Variants in SLC25A21 observed in about 807,000 individuals in gnomAD.
SLC25A21 encodes the protein mitochondrial 2-oxodicarboxylate carrier.
SLC25A21 carries 47 observed loss-of-function variants against 43.8 expected under a neutral mutation model. The ratio of observed to expected loss-of-function variants is 1.07; its 90% CI spans 0.85 to 1.37. The LOEUF is 1.37. Ranked by LOEUF, SLC25A21 falls within the 40% of genes most tolerant of loss-of-function variation. The probability of loss-of-function intolerance (pLI) is 0.00; values close to 1 mark genes in which losing one functional copy is unlikely to be tolerated. For missense variants in SLC25A21, 352 were observed against 350.2 expected (o/e 1.00, Z -0.04); for synonymous variants, 131 against 121.3 (o/e 1.08, Z -0.52).
At chr14:37,117,868 GTTTTT>G (rs67564941) in intron 1 of SLC25A21, among the ~76,000 whole-genome samples, 1 of 151,106 alleles carries the variant, frequency 6.6e-6, no homozygotes, top group Non-Finnish European at 1.5e-5. Flanking sequence ...TTTTTTGTTT[GTTTTT>G]TTTTTTTGTC....
intron 1 of SLC25A21, among the ~76,000 whole-genome samples, chr14:36,944,628 C>A (rs1214410100): frequency 3.3e-5 from 5 of 152,164 alleles, no homozygotes; most frequent in African/African-American, 9.7e-5. Flanking sequence ...TACGAATGTC[C>A]TATTCAATAC....
intron 2 of SLC25A21, among the ~76,000 whole-genome samples, chr14:36,867,347 T>G (rs1890240941): frequency 6.6e-6 from 1 of 152,190 alleles, no homozygotes; most frequent in African/African-American, 2.4e-5. Context: ...ATTATTCACT[T>G]TATAGACATT....
intron 3 of SLC25A21, among the ~76,000 whole-genome samples, chr14:36,808,478 C>T (rs1255729776): frequency 6.6e-6 from 1 of 152,140 alleles, no homozygotes. Context: ...CTTTAAGTCG[C>T]TGTGTGATTT....
intron 1 of SLC25A21, among the ~76,000 whole-genome samples, chr14:37,097,552 T>A (rs989001426): frequency 6.6e-6 from 1 of 152,140 alleles, no homozygotes; most frequent in Non-Finnish European, 1.5e-5. Context: ...GGGCAAGGCC[T>A]ACAATGTTTG....
intron 1 of SLC25A21, among the ~76,000 whole-genome samples, chr14:37,128,264 T>A (rs914024325): frequency 1.3e-5 from 2 of 152,208 alleles, no homozygotes; most frequent in Admixed American, 6.5e-5. Context: ...TCTCCCTTAG[T>A]GCCTCCAGAA....
At chr14:36,908,550 T>C (rs545995991) in intron 1 of SLC25A21, among the ~76,000 whole-genome samples, 2 of 152,364 alleles carry the variant, frequency 1.3e-5, no homozygotes, top group South Asian at 4.1e-4. Context: ...AATGGAAATC[T>C]TTTATGATTT....
In SLC25A21 at chr14:37,007,600, A is replaced by AAATAATAATAATAATAAT. The variant is rs140657266; in HGVS notation, c.71-132614_71-132597dup. Among the ~76,000 whole-genome samples, 790 of 148,096 alleles carry AAATAATAATAATAATAAT rather than the reference A, an allele frequency of 5.3e-3. 7 individuals are homozygous for AAATAATAATAATAATAAT. The highest frequency in any genetic ancestry group is 0.017 in the African/African-American group (675 of 39,750). ...CCTGACAGACAAGACTCCCTCTCAA[A>AAATAATAATAATAATAAT]AATAATAATAATAATAATAATAAAG... On this transcript the variant is annotated intron_variant, in intron 1 of 9. Coordinates refer to ENST00000331299, the MANE Select transcript of SLC25A21 (RefSeq NM_030631.4).
intron 6 of SLC25A21, among the ~76,000 whole-genome samples, chr14:36,714,786 G>A (rs1884053032): frequency 6.6e-6 from 1 of 152,162 alleles, no homozygotes; most frequent in South Asian, 2.1e-4. Context: ...GGCAGATAAG[G>A]AAACTAAGAG....
At chr14:36,860,440 T>C (rs563436597) in intron 2 of SLC25A21, among the ~76,000 whole-genome samples, 4 of 152,284 alleles carry the variant, frequency 2.6e-5, no homozygotes, top group East Asian at 3.9e-4. Context: ...AGCAGCTCCA[T>C]TGACTTGCAC....
At chr14:36,909,251 G>C (rs775176748) in intron 1 of SLC25A21, among the ~76,000 whole-genome samples, 1 of 152,146 alleles carries the variant, frequency 6.6e-6, no homozygotes, top group Non-Finnish European at 1.5e-5. Context: ...GGGATGATAC[G>C]CAGTTAGAAG....
intron 1 of SLC25A21, among the ~76,000 whole-genome samples, chr14:37,030,545 A>G (rs899633083): frequency 6.6e-6 from 1 of 152,172 alleles, no homozygotes; most frequent in Non-Finnish European, 1.5e-5. Flanking sequence ...CCATGTACAT[A>G]CTTTCCATTT....
At chr14:36,761,904 T>C (rs1749929) in intron 3 of SLC25A21, among the ~76,000 whole-genome samples, 24,288 of 152,226 alleles carry the variant, frequency 0.16, 2,213 homozygotes, top group Middle Eastern at 0.25. Context: ...TTGTTCTTTT[T>C]CCTTCCTGCT....
intron 2 of SLC25A21, among the ~76,000 whole-genome samples, chr14:36,817,861 A>T (rs894621838): frequency 2.6e-5 from 4 of 152,208 alleles, no homozygotes; most frequent in African/African-American, 9.7e-5. Flanking sequence ...GCAAACGTGT[A>T]TACAGAGTAT....
chr14:36,903,878 A>T (rs1891463963), intron 1 of SLC25A21, among the ~76,000 whole-genome samples: 2 of 152,254 alleles, frequency 1.3e-5, no homozygotes, highest in African/African-American at 4.8e-5. Flanking sequence ...GCTGATTCTA[A>T]ATCGAACTAA....
chr14:36,820,770 A>G (rs148688057), intron 2 of SLC25A21, among the ~76,000 whole-genome samples: 1 of 152,172 alleles, frequency 6.6e-6, no homozygotes, highest in Non-Finnish European at 1.5e-5. Context: ...AAAAAGTTGT[A>G]TACTGATAAT....
At chr14:37,102,537 T>A (rs1467895512) in intron 1 of SLC25A21, among the ~76,000 whole-genome samples, 1 of 152,108 alleles carries the variant, frequency 6.6e-6, no homozygotes, top group Non-Finnish European at 1.5e-5. Flanking sequence ...AGCTGTTGCA[T>A]TATTACTGGA....
intron 1 of SLC25A21, among the ~76,000 whole-genome samples, chr14:37,048,286 A>G (rs1001124863): frequency 1.3e-5 from 2 of 152,146 alleles, no homozygotes; most frequent in African/African-American, 4.8e-5. Context: ...CCCTACAAAT[A>G]CATATTCCTC....
intron 2 of SLC25A21, among the ~76,000 whole-genome samples, chr14:36,830,568 C>A (rs1020227741): frequency 1.3e-5 from 2 of 152,016 alleles, no homozygotes; most frequent in African/African-American, 4.8e-5. Context: ...AGACATCAAT[C>A]ATATTCCTCT....
intron 7 of SLC25A21, among the ~76,000 whole-genome samples, chr14:36,700,033 C>T (rs1883213239): frequency 6.6e-6 from 1 of 152,108 alleles, no homozygotes; most frequent in South Asian, 2.1e-4. Flanking sequence ...CTGAGTTGAT[C>T]ACAATGGGAG....
Sources: allele counts gnomAD v4.1 joint callset (sites outside exome capture counted in the v4.1 genomes callset), GRCh38; gene constraint gnomAD v4.1.1; transcripts MANE v1.5; gene names NCBI Gene and HGNC (gene_info 2026-07-23, HGNC 2026-07-21).